PBX1: variants seen among roughly 807,000 people sequenced by gnomAD.
The protein encoded by PBX1 is pre-B-cell leukemia transcription factor 1.
Under a neutral mutation model 53.4 loss-of-function variants are expected in PBX1, and 6 were observed. The ratio of observed to expected loss-of-function variants is 0.11; its 90% confidence interval spans 0.06 to 0.22. The LOEUF (loss-of-function observed/expected upper bound fraction) is 0.22. Ranked by LOEUF, PBX1 falls within the 10% of genes least tolerant of loss-of-function variation. The probability of loss-of-function intolerance (pLI) is 1.00; values close to 1 mark genes in which losing one functional copy is unlikely to be tolerated. For missense variants in PBX1, 251 were observed against 551.4 expected (o/e 0.46, Z 5.46); for synonymous variants, 204 against 212.3 (o/e 0.96, Z 0.34).
At chr1:164,662,851 G>A (rs187808487) in intron 2 of PBX1, among the ~76,000 whole-genome samples, 2 of 151,764 alleles carry the variant, frequency 1.3e-5, no homozygotes, top group East Asian at 1.9e-4. Context: ...TTTTCTTGTA[G>A]TGATGGTTAA....
rs1235124302 is a variant in PBX1, at chr1:164,849,076, G to GA, written c.*2403dup. 1 of 1,305,624 alleles carries GA rather than the reference G, an allele frequency of 7.7e-7. No homozygotes were observed. Among genetic ancestry groups the GA allele is most frequent in the African/African-American group, 1.5e-5 (1 of 67,766 alleles). The allele number at this position is 1,305,624 out of a possible 1,614,324, so 80.9% of individuals were successfully genotyped here. The stretch of plus-strand genomic sequence containing the variant: ...TCCATCTTAGTGGCAGGAATATAAT[G>GA]AAACTACCCACGCAAGAACATGGTT... On this transcript the variant is annotated 3_prime_UTR_variant, in exon 9 of 9. Transcript: ENST00000420696.
At chr1:164,678,202 T>C (rs1661551375) in intron 2 of PBX1, among the ~76,000 whole-genome samples, 1 of 152,168 alleles carries the variant, frequency 6.6e-6, no homozygotes, top group Non-Finnish European at 1.5e-5. Context: ...GGATGTCCTT[T>C]GGTGGAACAG....
intron 2 of PBX1, among the ~76,000 whole-genome samples, chr1:164,621,278 C>T (rs181392412): frequency 5.3e-5 from 8 of 152,348 alleles, no homozygotes; most frequent in Admixed American, 2.0e-4. Flanking sequence ...TGAGCCACCG[C>T]GCCCTTCCTC....
chr1:164,787,911 C>T (rs966553703), intron 2 of PBX1, among the ~76,000 whole-genome samples: 11 of 152,202 alleles, frequency 7.2e-5, no homozygotes, highest in Admixed American at 2.0e-4. Context: ...TCTTCATGGG[C>T]GCAACCCCTC....
At position 164,866,325 on chromosome 1, in the gene PBX1, C is replaced by T. The variant is rs114862979; in HGVS notation, n.258-32863C>T. Reference sequence around the variant, plus strand: ...TAGCTCTTCATCTGCCAGTGGGCAACCTGCAGAAGAGGCTGTGGTCCCAGC... The same window carrying T: ...TAGCTCTTCATCTGCCAGTGGGCAATCTGCAGAAGAGGCTGTGGTCCCAGC... On this transcript the variant is annotated intron_variant and non_coding_transcript_variant, in intron 2 of 2. Coordinates refer to the PBX1 transcript ENST00000558796. Among the ~76,000 whole-genome samples the T allele has an allele frequency of 9.0e-3, 1,376 of 152,316 alleles. 24 individuals carry two copies. Among genetic ancestry groups the T allele is most frequent in the African/African-American group, 0.032 (1,311 of 41,560 alleles).
At chr1:164,563,070 C>A in intron 1 of PBX1, 168 bp from the exon 2 acceptor site, 1 of 412,352 alleles carries the variant, frequency 2.4e-6, no homozygotes, top group African/African-American at 2.1e-5. Context: ...ATTTCTTTTT[C>A]TATGGCGGGA....
At chr1:164,763,233 A>G (rs1015324977) in intron 2 of PBX1, among the ~76,000 whole-genome samples, 3 of 152,160 alleles carry the variant, frequency 2.0e-5, no homozygotes, top group Non-Finnish European at 4.4e-5. Flanking sequence ...AGACCACAAA[A>G]AACTTAGGCT....
intron 2 of PBX1, among the ~76,000 whole-genome samples, chr1:164,566,558 T>C (rs975521513): frequency 2.6e-5 from 4 of 152,190 alleles, no homozygotes; most frequent in African/African-American, 9.6e-5. Context: ...TCTGGCATAT[T>C]AGTAATAGGC....
chr1:164,797,635 C>T (rs1338929492), intron 3 of PBX1, among the ~76,000 whole-genome samples: 2 of 152,030 alleles, frequency 1.3e-5, no homozygotes, highest in African/African-American at 4.8e-5. Flanking sequence ...TTTATTACCA[C>T]CTTTACTTTT....
At chr1:164,593,616 T>G (rs576992781) in intron 2 of PBX1, among the ~76,000 whole-genome samples, 6 of 137,146 alleles carry the variant, frequency 4.4e-5, no homozygotes, top group Non-Finnish European at 9.3e-5. Flanking sequence ...CTCTAAAGGT[T>G]GTGGCGGCGG....
chr1:164,744,806 A>G (rs1208448627), intron 2 of PBX1, among the ~76,000 whole-genome samples: 1 of 151,676 alleles, frequency 6.6e-6, no homozygotes, highest in Admixed American at 6.6e-5. Context: ...TCAGCAGCAT[A>G]GGCAAAAATT....
chr1:164,806,927 G>A (rs765536247), intron 4 of PBX1, among the ~76,000 whole-genome samples: 1 of 152,274 alleles, frequency 6.6e-6, no homozygotes, highest in Non-Finnish European at 1.5e-5. Flanking sequence ...GAAGCTGATC[G>A]AAATCACCCA....
At chr1:164,666,579 G>C (rs1341802276) in intron 2 of PBX1, among the ~76,000 whole-genome samples, 1 of 151,970 alleles carries the variant, frequency 6.6e-6, no homozygotes, top group Non-Finnish European at 1.5e-5. Flanking sequence ...TAGAACTGTG[G>C]GGCCTCTGTT....
chr1:164,869,190 G>T (rs1040383269), intron 2 of PBX1, among the ~76,000 whole-genome samples: 1 of 152,148 alleles, frequency 6.6e-6, no homozygotes, highest in African/African-American at 2.4e-5. Context: ...CCCTGAACAT[G>T]CCCGATCTCG....
chr1:164,716,839 T>G (rs1664126808), intron 2 of PBX1, among the ~76,000 whole-genome samples: 1 of 152,202 alleles, frequency 6.6e-6, no homozygotes, highest in Non-Finnish European at 1.5e-5. Context: ...TTCAATTTGT[T>G]GAGCACATCC....
chr1:164,777,496 T>G (rs748221748), intron 2 of PBX1, among the ~76,000 whole-genome samples: 2 of 152,204 alleles, frequency 1.3e-5, no homozygotes, highest in Admixed American at 6.5e-5. Context: ...CCAGAGACTC[T>G]GACCATAAAG....
At chr1:164,572,720 G>C (rs1231595007) in intron 2 of PBX1, among the ~76,000 whole-genome samples, 1 of 152,210 alleles carries the variant, frequency 6.6e-6, no homozygotes, top group Non-Finnish European at 1.5e-5. Flanking sequence ...GATGTAGGAT[G>C]GTGGGCTAAA....
At chr1:164,804,078 T>C (rs895888916) in intron 4 of PBX1, among the ~76,000 whole-genome samples, 2 of 152,196 alleles carry the variant, frequency 1.3e-5, no homozygotes, top group African/African-American at 2.4e-5. Flanking sequence ...AATTTTATAA[T>C]GATTAGTGAC....
chr1:164,618,402 G>C (rs921959551), intron 2 of PBX1, among the ~76,000 whole-genome samples: 5 of 150,936 alleles, frequency 3.3e-5, no homozygotes, highest in African/African-American at 1.2e-4. Flanking sequence ...CCTTGTCAAT[G>C]ACTGTCTCCT....
Sources: gnomAD v4.1 joint callset for allele counts (sites outside exome capture counted in the v4.1 genomes callset) on GRCh38, gnomAD v4.1.1 for gene constraint, MANE v1.5 for transcripts, NCBI Gene and HGNC (gene_info 2026-07-23, HGNC 2026-07-21) for gene names.